ARHGEF33: variants seen among roughly 807,000 people sequenced by gnomAD.
ARHGEF33 encodes Rho guanine nucleotide exchange factor 33.
A neutral mutation model predicts 101.9 loss-of-function variants in ARHGEF33; 72 were observed. The observed-to-expected ratio is 0.71, with a 90% confidence interval of 0.58 to 0.86. ARHGEF33 has a LOEUF of 0.86. Ranked by LOEUF, ARHGEF33 falls within the 40% of genes least tolerant of loss-of-function variation. ARHGEF33 has a pLI of 0.00. For missense variants in ARHGEF33, 1,169 were observed against 1,111.3 expected (o/e 1.05, Z -0.74); for synonymous variants, 499 against 442.5 (o/e 1.13, Z -1.60).
chr2:38,961,449 C>T (rs540017804), intron 16 of ARHGEF33, among the ~76,000 whole-genome samples: 36 of 152,238 alleles, frequency 2.4e-4, no homozygotes, highest in African/African-American at 8.2e-4. Flanking sequence ...TCTTTAAATA[C>T]TTATCCATGA....
At chr2:38,965,138 T>C (rs573435121) in intron 16 of ARHGEF33, among the ~76,000 whole-genome samples, 1 of 152,222 alleles carries the variant, frequency 6.6e-6, no homozygotes, top group Non-Finnish European at 1.5e-5. Flanking sequence ...GCATCATTGG[T>C]GTGGTTTTTG....
In ARHGEF33 at chr2:38,950,123, C is replaced by T. The variant is rs539043971; in HGVS notation, c.921-866C>T. Among the ~76,000 whole-genome samples the T allele has an allele frequency of 2.1e-3, 326 of 152,268 alleles. 1 individual carries two copies. The highest frequency in any genetic ancestry group is 4.0e-3 in the Non-Finnish European group (272 of 68,010). On this transcript the variant is annotated intron_variant, in intron 10 of 17. Transcript: ENST00000409978. ...AATAGCCTACCCAGACAAGACTGTC[C>T]TGGCCCAGTATTCCTCTTAGAAACT...
chr2:38,951,252 C>T, intron 11 of ARHGEF33, 131 bp downstream of exon 11: 2 of 861,302 alleles, frequency 2.3e-6, no homozygotes, highest in Non-Finnish European at 3.5e-6. Flanking sequence ...GTCTAACTTT[C>T]TCATTCTACA....
intron 10 of ARHGEF33, among the ~76,000 whole-genome samples, chr2:38,946,279 C>G (rs1667449014): frequency 6.6e-6 from 1 of 152,052 alleles, no homozygotes; most frequent in Non-Finnish European, 1.5e-5. Flanking sequence ...CTCTTATGAC[C>G]CATCACTGGG....
Position 38,966,042 on chromosome 2 carries a change from AAAG to A in ARHGEF33, c.2386_2388del (p.Glu796del). ...AGAAGATACTACCAGATTCTGTCCC[AAAG>A]AAGAAAGAGAAAGTGAACAAACATC... On this transcript the variant is annotated inframe_deletion, in exon 17 of 18. Transcript: ENST00000409978. 1 of 1,551,730 alleles carries A rather than the reference AAAG, an allele frequency of 6.4e-7. No individual in the cohort carries two copies. The highest frequency in any genetic ancestry group is 2.4e-5 in the East Asian group (1 of 40,928).
intron 2 of ARHGEF33, among the ~76,000 whole-genome samples, chr2:38,897,210 A>G (rs1007656213): frequency 6.6e-6 from 1 of 152,188 alleles, no homozygotes; most frequent in African/African-American, 2.4e-5. Flanking sequence ...CACCACACCC[A>G]GCCAACCCAG....
chr2:38,907,322 A>G (rs1041152328), intron 2 of ARHGEF33, among the ~76,000 whole-genome samples: 1 of 152,200 alleles, frequency 6.6e-6, no homozygotes, highest in Admixed American at 6.5e-5. Context: ...ACTGGGCAGT[A>G]GTGGGAAATT....
At chr2:38,900,250 G>T (rs1666210778) in intron 2 of ARHGEF33, among the ~76,000 whole-genome samples, 1 of 152,152 alleles carries the variant, frequency 6.6e-6, no homozygotes, top group African/African-American at 2.4e-5. Flanking sequence ...CTGGTAGGAA[G>T]AAATACCAAT....
rs769518527 is a variant in ARHGEF33 at position 38,950,972 on chromosome 2, C to A, written c.921-17C>A. The A allele has an allele frequency of 5.8e-6, 9 of 1,550,662 alleles. No individual in the cohort carries two copies. In the South Asian group the frequency reaches 1.1e-4, roughly 19 times the overall value. ...CTACACCTTGTTTGTGTGATTCCGT[C>A]TCTATTCTGTTTCAAGCCTCTTCCC... On this transcript the variant is annotated splice_polypyrimidine_tract_variant and intron_variant, in intron 10 of 17. Coordinates refer to ENST00000409978, the MANE Select transcript of ARHGEF33 (RefSeq NM_001145451.5).
At chr2:38,919,039 C>T (rs1279382629) in intron 2 of ARHGEF33, among the ~76,000 whole-genome samples, 1 of 152,086 alleles carries the variant, frequency 6.6e-6, no homozygotes, top group Admixed American at 6.5e-5. Flanking sequence ...GAACAAGACC[C>T]TGTTTGAAAA....
intron 1 of ARHGEF33, among the ~76,000 whole-genome samples, chr2:38,890,769 A>G (rs1175563797): frequency 6.6e-6 from 1 of 152,216 alleles, no homozygotes; most frequent in Non-Finnish European, 1.5e-5. Context: ...ATTTCATTGA[A>G]GGCTACTTCT....
chr2:38,959,547 C>T (rs1021384293), intron 15 of ARHGEF33: 3 of 323,396 alleles, frequency 9.3e-6, no homozygotes, highest in African/African-American at 2.1e-5. Context: ...CTTGGAGCAC[C>T]GCAGGTGGTG....
chr2:38,904,749 G>A (rs1291602044), intron 2 of ARHGEF33, among the ~76,000 whole-genome samples: 3 of 150,436 alleles, frequency 2.0e-5, no homozygotes, highest in South Asian at 2.1e-4. Flanking sequence ...AAAAGAAAAC[G>A]CCTATTGCAG....
chr2:38,902,387 A>G (rs1425170318), intron 2 of ARHGEF33, among the ~76,000 whole-genome samples: 1 of 152,228 alleles, frequency 6.6e-6, no homozygotes, highest in Non-Finnish European at 1.5e-5. Flanking sequence ...ATCCGATTCC[A>G]TAATCACCAT....
chr2:38,950,296 A>T (rs1052722943), intron 10 of ARHGEF33, among the ~76,000 whole-genome samples: 1 of 152,234 alleles, frequency 6.6e-6, no homozygotes, highest in Admixed American at 6.5e-5. Flanking sequence ...TCAGTGCTGC[A>T]TCTACAACAC....
chr2:38,912,547 G>GA (rs1417700382), intron 2 of ARHGEF33, among the ~76,000 whole-genome samples: 1 of 151,910 alleles, frequency 6.6e-6, no homozygotes, highest in African/African-American at 2.4e-5. Context: ...CTTAGCTTAA[G>GA]AAAAAATGTC....
Position 38,960,602 on chromosome 2 carries a change from A to G in ARHGEF33, c.2297A>G (p.Gln766Arg). 1 of 1,412,828 alleles carries G rather than the reference A, an allele frequency of 7.1e-7. No individual in the cohort carries two copies. Among genetic ancestry groups the G allele is most frequent in the Non-Finnish European group, 9.4e-7 (1 of 1,068,214 alleles). The allele number at this position is 1,412,828 out of a possible 1,614,324, so 87.5% of individuals were successfully genotyped here. Residue 766 changes from glutamine (Q) to arginine (R), a missense_variant, in exon 16 of 18, where the codon CAA (glutamine) becomes CGA (arginine). By Grantham distance (43) the Gln-to-Arg change is conservative. Transcript: ENST00000409978. Reference protein sequence around the residue: ...ARGASRTFFPQQRSQSEKQTY... With the variant: ...ARGASRTFFPRQRSQSEKQTY... ...GGCGCATCCAGGACCTTCTTCCCCC[A>G]ACAGAGGTCCCAAAGCGAAAAACAG... is the stretch of plus-strand genomic sequence containing the variant.
Position 38,953,213 on chromosome 2 carries a change from A to G in ARHGEF33, c.1105A>G (p.Ile369Val), listed in dbSNP as rs1236611913. 2 of 1,544,712 alleles carry G rather than the reference A, an allele frequency of 1.3e-6. No homozygotes were observed. Among genetic ancestry groups the G allele is most frequent in the African/African-American group, 2.7e-5 (2 of 72,904 alleles). ...CTACCTAAGGGACCTGCCTGAGTGCATCTCATTGGTTCATGTTGTAGTCCT... is the reference window on the plus strand; with the variant it reads ...CTACCTAAGGGACCTGCCTGAGTGCGTCTCATTGGTTCATGTTGTAGTCCT... ...VAYLRDLPEC[I>V]SLVHVVVLKE... Residue 369 changes from isoleucine to valine, a missense_variant, in exon 12 of 18, where the codon ATC (isoleucine) becomes GTC (valine). Physicochemically the swap from Ile to Val is conservative, Grantham distance 29 (BLOSUM62 3). Coordinates refer to ENST00000409978, the MANE Select transcript of ARHGEF33 (RefSeq NM_001145451.5).
rs1055209522 is a variant in ARHGEF33 at position 38,939,752 on chromosome 2, G to A, written c.790+2193G>A. 3.3e-5 allele frequency among the ~76,000 whole-genome samples: 5 copies of A among 152,286 alleles called. No individual in the cohort carries two copies. The East Asian group carries it at 7.7e-4, about 24-fold the overall frequency. On this transcript the variant is annotated intron_variant, in intron 9 of 17. Coordinates refer to ENST00000409978, the MANE Select transcript of ARHGEF33 (RefSeq NM_001145451.5). ...TTCAGCCTTGATCTCCTGGGCTTAC[G>A]TGATTCTTCCTCCTCAGCCTCCCAA...
Sources: allele counts gnomAD v4.1 joint callset (sites outside exome capture counted in the v4.1 genomes callset), GRCh38; gene constraint gnomAD v4.1.1; transcripts MANE v1.5; gene names NCBI Gene and HGNC (gene_info 2026-07-23, HGNC 2026-07-21).